HCN4: variants seen among roughly 807,000 people sequenced by gnomAD.
HCN4 encodes potassium/sodium hyperpolarization-activated cyclic nucleotide-gated channel 4.
Under a neutral mutation model 76.9 loss-of-function variants are expected in HCN4, and 29 were observed. The ratio of observed to expected loss-of-function variants is 0.38; its 90% CI spans 0.28 to 0.51. The LOEUF (loss-of-function observed/expected upper bound fraction) is 0.51, where lower values mean the gene tolerates loss of function less well. Ranked by LOEUF, HCN4 falls within the 20% of genes least tolerant of loss-of-function variation. The probability of loss-of-function intolerance (pLI) is 0.90; values close to 1 mark genes in which losing one functional copy is unlikely to be tolerated. For missense variants in HCN4, 1,416 were observed against 1,715.2 expected (o/e 0.83, Z 3.08); for synonymous variants, 772 against 762.5 (o/e 1.01, Z -0.21).
intron 1 of HCN4, among the ~76,000 whole-genome samples, chr15:73,345,762 AAAC>A (rs886626549): frequency 6.6e-6 from 1 of 152,180 alleles, no homozygotes; most frequent in African/African-American, 2.4e-5. Context: ...AAACAAAAGA[AAAC>A]AAATTTTTTA....
At chr15:73,330,159 C>A (rs1231710590) in intron 3 of HCN4, among the ~76,000 whole-genome samples, 2 of 152,360 alleles carry the variant, frequency 1.3e-5, no homozygotes, top group Non-Finnish European at 2.9e-5. Flanking sequence ...CCCCAACCCC[C>A]TAAACAGCTG....
intron 1 of HCN4, among the ~76,000 whole-genome samples, chr15:73,362,172 G>A (rs2043107767): frequency 6.6e-6 from 1 of 152,364 alleles, no homozygotes; most frequent in Non-Finnish European, 1.5e-5. Flanking sequence ...AGCAAGCTAT[G>A]AATCCCACAT....
chr15:73,323,306 C>A lies in HCN4; in HGVS notation c.2787G>T (p.Leu929=). The A allele has an allele frequency of 6.5e-7, 1 of 1,547,632 alleles. No homozygotes were observed. The highest frequency in any genetic ancestry group is 8.7e-7 in the Non-Finnish European group (1 of 1,144,402). The change falls in exon 8 of 8, where the codon CTG becomes CTT. Residue 929 remains leucine, a synonymous_variant. Coordinates refer to ENST00000261917, the MANE Select transcript of HCN4 (RefSeq NM_005477.3). The part of the protein sequence containing the change: ...SSSDSPLLTP[L]QPGARSPQAA... ...CCTGCGGGGAGCGGGCGCCTGGCTG[C>A]AGCGGGGTGAGCAGGGGAGAGTCGG...
intron 1 of HCN4, among the ~76,000 whole-genome samples, chr15:73,364,557 T>A (rs976686884): frequency 1.3e-5 from 2 of 152,196 alleles, no homozygotes; most frequent in Non-Finnish European, 2.9e-5. Flanking sequence ...AGCTATGTCC[T>A]GAGGGGCTGC....
At chr15:73,346,348 A>G (rs1469883249) in intron 1 of HCN4, among the ~76,000 whole-genome samples, 2 of 152,316 alleles carry the variant, frequency 1.3e-5, no homozygotes, top group African/African-American at 4.8e-5. Flanking sequence ...GCACTGTCAT[A>G]AGGAGGAAAT....
rs1421363230 is a variant in HCN4 at position 73,324,266 on chromosome 15, C to T, written c.1979-13G>A. 1 of 1,613,258 alleles carries T rather than the reference C, an allele frequency of 6.2e-7. No individual in the cohort carries two copies. The highest frequency in any genetic ancestry group is 1.3e-5 in the African/African-American group (1 of 74,934). On this transcript the variant is annotated splice_polypyrimidine_tract_variant and intron_variant, in intron 6 of 7. Transcript: ENST00000261917. The stretch of plus-strand genomic sequence containing the variant: ...AGCAGGCAGATCTCTGCCAGAGCAT[C>T]AGGACTCAGGATGAGGCATGCACAG...
chr15:73,350,731 T>TCC (rs1030244921), intron 1 of HCN4, among the ~76,000 whole-genome samples: 16 of 152,048 alleles, frequency 1.1e-4, no homozygotes, highest in African/African-American at 3.1e-4. Flanking sequence ...TTTGATACCA[T>TCC]CCCCATTTTC....
intron 2 of HCN4, among the ~76,000 whole-genome samples, chr15:73,336,777 T>C (rs1434238646): frequency 6.6e-6 from 1 of 152,108 alleles, no homozygotes; most frequent in Admixed American, 6.6e-5. Flanking sequence ...AACCTCTTGA[T>C]GAGGCTCCCC....
chr15:73,329,487 C>A (rs1194121801), intron 4 of HCN4, 86 bp downstream of exon 4: 2 of 1,262,486 alleles, frequency 1.6e-6, no homozygotes, highest in South Asian at 1.2e-5. Flanking sequence ...GAGCAGGGGG[C>A]GGTTCCTGCT....
In HCN4 at chr15:73,332,256, C is replaced by T; in HGVS notation, c.1246G>A (p.Val416Met). ...ATGCCGATGAGGTTCACGATGCGCA[C>T]CACGGCGCTGGCCAGGTCGTAGGTC... is the stretch of plus-strand genomic sequence containing the variant. Reference protein sequence around the residue: ...HMTYDLASAVVRIVNLIGMML... With the variant: ...HMTYDLASAVMRIVNLIGMML... The change falls in exon 3 of 8, where the codon GTG becomes ATG. Residue 416 changes from valine (V) to methionine (M), a missense_variant. Physicochemically the swap from Val to Met is conservative, Grantham distance 21. This residue lies in a region of HCN4 where 112 missense variants were observed against 259.9 expected (regional missense o/e 0.43). Coordinates refer to ENST00000261917, the MANE Select transcript of HCN4 (RefSeq NM_005477.3). 1 of 1,614,204 alleles carries T rather than the reference C, an allele frequency of 6.2e-7. No individual in the cohort carries two copies. The highest frequency in any genetic ancestry group is 8.5e-7 in the Non-Finnish European group (1 of 1,180,036).
In HCN4 at chr15:73,368,154, G is replaced by C. The variant is rs1009333860; in HGVS notation, c.117C>G (p.Gly39=). ...EEDAEEEGAG[G]RQDPSRRSIR... ...TGCTCCTGCGGCTGGGGTCTTGGCG[G>C]CCCCCGGCCCCCTCCTCCTCGGCGT... Residue 39 remains glycine, a synonymous_variant, in exon 1 of 8, where the codon GGC becomes GGG. Transcript: ENST00000261917. The surrounding 1 kb of genome is among the most constrained non-coding windows in gnomAD (Gnocchi z 6.9). The C allele has an allele frequency of 6.6e-7, 1 of 1,523,512 alleles. No individual in the cohort carries two copies. Among genetic ancestry groups the C allele is most frequent in the East Asian group, 2.6e-5 (1 of 37,986 alleles). The allele number at this position is 1,523,512 out of a possible 1,614,324, so 94.4% of individuals were successfully genotyped here. A position where few individuals can be genotyped will look rare whatever the true frequency, so the allele number is the denominator to read the frequency against.
chr15:73,364,563 G>A lies in HCN4; in HGVS notation c.785+2923C>T, dbSNP rs190003334. On this transcript the variant is annotated intron_variant, in intron 1 of 7. Transcript: ENST00000261917. ...AGCCCGGGGAGCTATGTCCTGAGGG[G>A]CTGCAGCATCCTGGCCTCTTCCCTT... 2.8e-3 allele frequency among the ~76,000 whole-genome samples: 423 copies of A among 152,294 alleles called. 2 individuals are homozygous for A. The highest frequency in any genetic ancestry group is 4.9e-3 in the Non-Finnish European group (332 of 68,024).
In HCN4 at chr15:73,323,098, G is replaced by A. The variant is rs538668505; in HGVS notation, c.2995C>T (p.Arg999Trp). 101 of 1,590,086 alleles carry A rather than the reference G, an allele frequency of 6.4e-5. No individual in the cohort carries two copies. Among genetic ancestry groups the A allele is most frequent in the Non-Finnish European group, 7.6e-5 (89 of 1,169,964 alleles). The change falls in exon 8 of 8, where the codon CGG becomes TGG. Residue 999 changes from arginine to tryptophan, a missense_variant. Arg to Trp is a moderately radical substitution (Grantham distance 101, BLOSUM62 -3). Around this residue, in one of 6 missense-constraint regions of HCN4, gnomAD observed 633 missense variants for 579.8 expected, o/e 1.09. Coordinates refer to ENST00000261917, the MANE Select transcript of HCN4 (RefSeq NM_005477.3). ...GPLSTPETPPRQPEPPSLVAG... is the reference protein window; with the variant it reads ...GPLSTPETPPWQPEPPSLVAG... ...ACAAGGGACGGCGGCTCAGGCTGCC[G>A]TGGGGGTGTCTCTGGCGTGCTCAGT...
At chr15:73,327,108 C>CTTTTTT (rs975122477) in intron 4 of HCN4, among the ~76,000 whole-genome samples, 7 of 131,098 alleles carry the variant, frequency 5.3e-5, no homozygotes, top group South Asian at 2.6e-4. Context: ...TTTTCTTTTT[C>CTTTTTT]TTTTTTTTTT....
chr15:73,332,247 C>T lies in HCN4; in HGVS notation c.1255G>A (p.Val419Met), dbSNP rs2042937876. The change falls in exon 3 of 8, where the codon GTG (valine) becomes ATG (methionine). Residue 419 changes from valine (V) to methionine (M), a missense_variant. Physicochemically the swap from Val to Met is conservative, Grantham distance 21. Coordinates refer to ENST00000261917, the MANE Select transcript of HCN4 (RefSeq NM_005477.3). ...YDLASAVVRIVNLIGMMLLLC... is the reference protein window; with the variant it reads ...YDLASAVVRIMNLIGMMLLLC... ...AGGAGCATCATGCCGATGAGGTTCA[C>T]GATGCGCACCACGGCGCTGGCCAGG... 1.2e-6 allele frequency: 2 copies of T among 1,614,194 alleles called. No individual in the cohort carries two copies. Among genetic ancestry groups the T allele is most frequent in the Non-Finnish European group, 1.7e-6 (2 of 1,180,004 alleles).
At chr15:73,353,487 A>G (rs1247136004) in intron 1 of HCN4, among the ~76,000 whole-genome samples, 2 of 152,196 alleles carry the variant, frequency 1.3e-5, no homozygotes, top group South Asian at 2.1e-4. Flanking sequence ...ACAGCTTAAC[A>G]TCACACGCAT....
intron 1 of HCN4, among the ~76,000 whole-genome samples, chr15:73,350,818 A>G (rs1021955084): frequency 3.3e-5 from 5 of 151,722 alleles, no homozygotes; most frequent in African/African-American, 1.2e-4. Context: ...CTTTCCCATC[A>G]GCTTTTCCTT....
chr15:73,363,966 G>A (rs11638264), intron 1 of HCN4, among the ~76,000 whole-genome samples: 11,686 of 152,106 alleles, frequency 0.077, 455 homozygotes, highest in Non-Finnish European at 0.087. Flanking sequence ...TGGCAGTGAC[G>A]GGGTGCCAGT....
intron 2 of HCN4, among the ~76,000 whole-genome samples, chr15:73,334,917 C>A (rs1306127518): frequency 6.6e-6 from 1 of 152,098 alleles, no homozygotes; most frequent in African/African-American, 2.4e-5. Context: ...GGAAATGAGG[C>A]CTTCGGAAGG....
Sources: gnomAD v4.1 joint callset for allele counts (sites outside exome capture counted in the v4.1 genomes callset) on GRCh38, gnomAD v4.1.1 for gene constraint, gnomAD v4.1.1 regional missense constraint, Gnocchi (gnomAD v3.1) non-coding constraint, MANE v1.5 for transcripts, NCBI Gene and HGNC (gene_info 2026-07-23, HGNC 2026-07-21) for gene names.